The following CCSER1 variants were observed in gnomAD, a reference collection of about 807,000 sequenced individuals.
The protein encoded by CCSER1 is coiled-coil serine rich protein 1.
In CCSER1, 41 loss-of-function variants were observed where a neutral mutation model predicts 82.0. The observed-to-expected ratio is 0.50, with a 90% CI of 0.39 to 0.65. CCSER1 has a LOEUF of 0.65. CCSER1 is among the 30% of genes least tolerant of loss of function. The probability of loss-of-function intolerance (pLI) is 0.00; values close to 1 mark genes in which losing one functional copy is unlikely to be tolerated. For missense variants in CCSER1, 1,119 were observed against 1,064.2 expected, an observed-to-expected ratio of 1.05 and a Z score of -0.72; for synonymous variants, 414 against 383.9, an observed-to-expected ratio of 1.08 and a Z score of -0.92.
At position 90,555,471 on chromosome 4, in the gene CCSER1, T is replaced by C. The variant is rs150621145; in HGVS notation, c.1725-72554T>C. Among the ~76,000 whole-genome samples, 1,032 of 152,270 alleles carry C rather than the reference T, an allele frequency of 6.8e-3. 13 individuals carry two copies. Among genetic ancestry groups the C allele is most frequent in the African/African-American group, 0.021 (858 of 41,582 alleles). On this transcript the variant is annotated intron_variant, in intron 5 of 10. Transcript: ENST00000509176. ...AAATGAGAATGTAAAGTTCATTATT[T>C]TGACCAGCAGTTTTTGCTATTTGTG...
intron 10 of CCSER1, among the ~76,000 whole-genome samples, chr4:91,585,089 TAAAC>T (rs1311589262): frequency 6.6e-6 from 1 of 151,556 alleles, no homozygotes; most frequent in African/African-American, 2.4e-5. Context: ...GCCAAAAACT[TAAAC>T]AATGTAGACA....
intron 1 of CCSER1, among the ~76,000 whole-genome samples, chr4:90,146,515 T>C (rs1317986156): frequency 2.0e-5 from 3 of 152,042 alleles, no homozygotes; most frequent in South Asian, 4.2e-4. Context: ...CAGCAGCTTG[T>C]ACTCGGTTCA....
chr4:91,518,862 GTCCTGAACCA>G (rs1273157963), intron 10 of CCSER1, among the ~76,000 whole-genome samples: 4 of 152,178 alleles, frequency 2.6e-5, no homozygotes, highest in African/African-American at 9.7e-5. Flanking sequence ...CTATTCTGTG[GTCCTGAACCA>G]GGGGCCCAGA....
chr4:90,648,517 A>C (rs1407766084), intron 6 of CCSER1, among the ~76,000 whole-genome samples: 9 of 59,154 alleles, frequency 1.5e-4, no homozygotes, highest in Non-Finnish European at 3.9e-4. Flanking sequence ...AGCCCTAACC[A>C]CCAATGTGAC....
chr4:91,348,456 C>A (rs1748224913), intron 10 of CCSER1, among the ~76,000 whole-genome samples: 1 of 152,022 alleles, frequency 6.6e-6, no homozygotes, highest in Non-Finnish European at 1.5e-5. Context: ...ACTGATTTGT[C>A]TGGTTCTGGA....
intron 10 of CCSER1, among the ~76,000 whole-genome samples, chr4:91,533,032 C>T (rs1486560898): frequency 6.6e-6 from 1 of 152,070 alleles, no homozygotes; most frequent in Non-Finnish European, 1.5e-5. Context: ...GCATTGTTAT[C>T]TACCTATTAC....
intron 10 of CCSER1, among the ~76,000 whole-genome samples, chr4:91,101,501 G>A (rs1725048095): frequency 6.6e-6 from 1 of 152,142 alleles, no homozygotes. Context: ...TGGGCATGGT[G>A]GCATGTGCCT....
intron 8 of CCSER1, among the ~76,000 whole-genome samples, chr4:90,900,065 A>G (rs1314774179): frequency 7.0e-6 from 1 of 143,640 alleles, no homozygotes; most frequent in African/African-American, 2.5e-5. Context: ...ATCTGATAGA[A>G]TTCTGCTGTG....
At chr4:90,515,302 C>A (rs995703031) in intron 5 of CCSER1, among the ~76,000 whole-genome samples, 8 of 152,186 alleles carry the variant, frequency 5.3e-5, no homozygotes, top group African/African-American at 1.9e-4. Context: ...GGTCTTAGTG[C>A]AGTCAGTTTC....
chr4:91,316,211 A>G (rs1255702355), intron 10 of CCSER1, among the ~76,000 whole-genome samples: 1 of 151,982 alleles, frequency 6.6e-6, no homozygotes, highest in African/African-American at 2.4e-5. Flanking sequence ...AGTCTTGAGT[A>G]TGCCTTTATT....
chr4:91,259,504 C>T (rs1037970829), intron 10 of CCSER1, among the ~76,000 whole-genome samples: 4 of 151,988 alleles, frequency 2.6e-5, no homozygotes, highest in African/African-American at 9.7e-5. Context: ...AGGTTTGTTA[C>T]ATAGATATAC....
chr4:90,773,603 T>G lies in CCSER1; in HGVS notation c.2011-42159T>G, dbSNP rs540942655. ...TCCAGTATTTTTTAAGATTAGACTT[T>G]ATCCACCCTAAATTACATCTATATT... On this transcript the variant is annotated intron_variant, in intron 7 of 10. Coordinates refer to ENST00000509176, the MANE Select transcript of CCSER1 (RefSeq NM_001145065.2). Among the ~76,000 whole-genome samples the G allele has an allele frequency of 1.2e-4, 19 of 152,348 alleles. No homozygotes were observed. In the East Asian group the frequency reaches 3.5e-3, roughly 28 times the overall value.
At chr4:90,927,788 A>T (rs1729246379) in intron 9 of CCSER1, among the ~76,000 whole-genome samples, 1 of 152,068 alleles carries the variant, frequency 6.6e-6, no homozygotes, top group Non-Finnish European at 1.5e-5. Context: ...CCTAAAAAAT[A>T]TGAAAATAGT....
chr4:91,105,992 A>G (rs1463932071), intron 10 of CCSER1, among the ~76,000 whole-genome samples: 1 of 152,170 alleles, frequency 6.6e-6, no homozygotes, highest in Admixed American at 6.5e-5. Flanking sequence ...AAAATGTGGT[A>G]AATGCTCTGT....
intron 9 of CCSER1, among the ~76,000 whole-genome samples, chr4:90,956,962 A>G (rs1435666743): frequency 2.3e-5 from 2 of 87,844 alleles, no homozygotes; most frequent in South Asian, 3.4e-4. Context: ...TTTTTTTTGT[A>G]GAGACAGGAT....
chr4:91,107,172 C>T (rs1725696517), intron 10 of CCSER1, among the ~76,000 whole-genome samples: 1 of 152,172 alleles, frequency 6.6e-6, no homozygotes, highest in Non-Finnish European at 1.5e-5. Context: ...ACCGCATAGC[C>T]TAGGTGTATA....
chr4:90,439,231 T>A (rs1759502183), intron 4 of CCSER1, among the ~76,000 whole-genome samples: 1 of 152,152 alleles, frequency 6.6e-6, no homozygotes, highest in African/African-American at 2.4e-5. Context: ...GAGGTTGTAG[T>A]GAGCTGAGAT....
chr4:91,339,202 G>A (rs1747530279), intron 10 of CCSER1, among the ~76,000 whole-genome samples: 1 of 151,922 alleles, frequency 6.6e-6, no homozygotes, highest in Non-Finnish European at 1.5e-5. Context: ...TCCTGGGAAG[G>A]GAAAACTGAA....
At chr4:90,160,883 C>T (rs1319972826) in intron 1 of CCSER1, among the ~76,000 whole-genome samples, 1 of 152,128 alleles carries the variant, frequency 6.6e-6, no homozygotes. Context: ...TCAGTACTCT[C>T]AGCCAAGTGT....
Sources: gnomAD v4.1 joint callset for allele counts (sites outside exome capture counted in the v4.1 genomes callset) on GRCh38, gnomAD v4.1.1 for gene constraint, MANE v1.5 for transcripts, NCBI Gene and HGNC (gene_info 2026-07-23, HGNC 2026-07-21) for gene names.